LUZP2: variants seen among roughly 807,000 people sequenced by gnomAD.
LUZP2 encodes leucine zipper protein 2.
In LUZP2, 52 loss-of-function variants were observed where a neutral mutation model predicts 51.6. That is an observed-to-expected ratio of 1.01 (90% CI 0.81 to 1.27). The LOEUF is 1.27. Among genes scored for constraint, LUZP2 ranks in the 50% most tolerant of loss-of-function variants. The pLI is 0.00. For synonymous variants in LUZP2, 154 were observed against 137.3 expected, an observed-to-expected ratio of 1.12 and a Z score of -0.85; for missense variants, 436 against 395.4, an observed-to-expected ratio of 1.10 and a Z score of -0.87.
intron 1 of LUZP2, among the ~76,000 whole-genome samples, chr11:24,543,669 A>G (rs1165436201): frequency 6.6e-6 from 1 of 151,854 alleles, no homozygotes; most frequent in African/African-American, 2.4e-5. Flanking sequence ...AAAAATACAG[A>G]AATTAGCCAG....
chr11:24,772,347 T>C (rs1860452415), intron 5 of LUZP2, among the ~76,000 whole-genome samples: 3 of 152,314 alleles, frequency 2.0e-5, no homozygotes, highest in Non-Finnish European at 4.4e-5. Flanking sequence ...TGATGGGATA[T>C]TTCTTAACAT....
At chr11:24,837,828 C>T (rs1362538391) in intron 5 of LUZP2, among the ~76,000 whole-genome samples, 2 of 151,478 alleles carry the variant, frequency 1.3e-5, no homozygotes. Context: ...TTTACTGTCC[C>T]CCATCTTAGT....
At chr11:24,886,447 A>G (rs970186261) in intron 5 of LUZP2, among the ~76,000 whole-genome samples, 2 of 152,158 alleles carry the variant, frequency 1.3e-5, no homozygotes, top group African/African-American at 4.8e-5. Flanking sequence ...AGCTAAGAAA[A>G]TATACTAATG....
At chr11:24,839,740 T>C (rs1402968401) in intron 5 of LUZP2, among the ~76,000 whole-genome samples, 2 of 151,592 alleles carry the variant, frequency 1.3e-5, no homozygotes, top group Non-Finnish European at 3.0e-5. Flanking sequence ...ACTCTCGGGG[T>C]CCATTTGTCA....
At chr11:24,861,719 C>T (rs1590654701) in intron 5 of LUZP2, among the ~76,000 whole-genome samples, 1 of 152,264 alleles carries the variant, frequency 6.6e-6, no homozygotes, top group East Asian at 1.9e-4. Flanking sequence ...GACATAATGC[C>T]ACAAGCCTGG....
intron 1 of LUZP2, among the ~76,000 whole-genome samples, chr11:24,643,937 A>G (rs1464628203): frequency 6.6e-6 from 1 of 152,166 alleles, no homozygotes; most frequent in African/African-American, 2.4e-5. Context: ...AATGATGTTG[A>G]TACAACTGAT....
chr11:24,765,976 G>T (rs898186486), intron 5 of LUZP2, among the ~76,000 whole-genome samples: 11 of 152,024 alleles, frequency 7.2e-5, no homozygotes, highest in African/African-American at 2.2e-4. Context: ...GCCCAGGTGG[G>T]TCTTGCATTC....
In LUZP2 at chr11:24,960,482, A is replaced by ATT. The variant is rs1855359317; in HGVS notation, c.523-16109_523-16108insTT. On this transcript the variant is annotated intron_variant, in intron 7 of 11. Transcript: ENST00000336930. ...CTTCTTCCTGGTTTAGTCTTGGGAG[A>ATT]GTGTGTTGAGGAATTTATCCATTTC... 9.7e-5 allele frequency among the ~76,000 whole-genome samples: 10 copies of ATT among 103,224 alleles called. No individual in the cohort carries two copies. The Admixed American group carries it at 1.0e-3, about 10-fold the overall frequency. The allele number at this position is 103,224 out of a possible 152,430, so 67.7% of individuals were successfully genotyped here.
At chr11:24,949,825 C>G (rs76201550) in intron 7 of LUZP2, among the ~76,000 whole-genome samples, 1,714 of 151,684 alleles carry the variant, frequency 0.011, 32 homozygotes, top group African/African-American at 0.038. Flanking sequence ...GTGATCAGAA[C>G]TCTTTGAAAT....
At chr11:24,581,693 A>G (rs1852861907) in intron 1 of LUZP2, among the ~76,000 whole-genome samples, 1 of 102,362 alleles carries the variant, frequency 9.8e-6, no homozygotes, top group Non-Finnish European at 2.1e-5. Context: ...AAATATAAAT[A>G]TAAATATAAA....
intron 5 of LUZP2, among the ~76,000 whole-genome samples, chr11:24,770,544 T>C (rs1860368863): frequency 6.6e-6 from 1 of 152,230 alleles, no homozygotes; most frequent in Admixed American, 6.5e-5. Context: ...GCTCCTGTTA[T>C]CAACTGATTT....
intron 1 of LUZP2, among the ~76,000 whole-genome samples, chr11:24,602,322 A>ATACATATATC (rs1853755007): frequency 1.2e-5 from 1 of 84,828 alleles, no homozygotes; most frequent in Non-Finnish European, 2.6e-5. Context: ...ACATATATAC[A>ATACATATATC]CACACATATA....
intron 1 of LUZP2, among the ~76,000 whole-genome samples, chr11:24,715,261 C>CTGTGTG (rs1220899685): frequency 4.3e-4 from 32 of 73,594 alleles, no homozygotes; most frequent in Admixed American, 2.0e-3. Flanking sequence ...CAAGGAGCAA[C>CTGTGTG]TATGTGTGTG....
chr11:24,600,155 G>A (rs1490114600), intron 1 of LUZP2, among the ~76,000 whole-genome samples: 2 of 146,824 alleles, frequency 1.4e-5, no homozygotes, highest in Non-Finnish European at 3.0e-5. Flanking sequence ...TAAACAAGAG[G>A]ATATATAATG....
chr11:24,574,286 T>G (rs1852561449), intron 1 of LUZP2, among the ~76,000 whole-genome samples: 1 of 84,410 alleles, frequency 1.2e-5, no homozygotes, highest in Non-Finnish European at 2.3e-5. Context: ...CTTTCTTTCT[T>G]TCCTTTCTTT....
chr11:24,596,015 TC>T (rs1853433921), intron 1 of LUZP2, among the ~76,000 whole-genome samples: 1 of 152,178 alleles, frequency 6.6e-6, no homozygotes, highest in South Asian at 2.1e-4. Flanking sequence ...GCATACCTCC[TC>T]CTCTACATGC....
intron 5 of LUZP2, among the ~76,000 whole-genome samples, chr11:24,856,312 G>T (rs1006630947): frequency 6.6e-6 from 1 of 151,900 alleles, no homozygotes; most frequent in Non-Finnish European, 1.5e-5. Flanking sequence ...ACATACAAAT[G>T]GACAAAAAGC....
At chr11:24,811,621 TA>T (rs1419822066) in intron 5 of LUZP2, among the ~76,000 whole-genome samples, 1 of 152,088 alleles carries the variant, frequency 6.6e-6, no homozygotes, top group Non-Finnish European at 1.5e-5. Flanking sequence ...TAGTATCTAA[TA>T]GGTAGTTTTT....
chr11:24,743,796 T>G (rs928672187), intron 4 of LUZP2, among the ~76,000 whole-genome samples: 1 of 152,258 alleles, frequency 6.6e-6, no homozygotes, highest in South Asian at 2.1e-4. Context: ...CTTTCAACTT[T>G]TCCCCATTTA....
Sources: allele counts gnomAD v4.1 joint callset (sites outside exome capture counted in the v4.1 genomes callset), GRCh38; gene constraint gnomAD v4.1.1; transcripts MANE v1.5; gene names NCBI Gene and HGNC (gene_info 2026-07-23, HGNC 2026-07-21).